SPRY3: variants seen among roughly 807,000 people sequenced by gnomAD.
SPRY3 encodes the protein protein sprouty homolog 3.
SPRY3 carries 15 observed loss-of-function variants against 20.2 expected under a neutral mutation model. The observed-to-expected ratio is 0.74, with a 90% CI of 0.50 to 1.14. The LOEUF is 1.14. SPRY3 is among the 50% of genes most tolerant of loss of function. SPRY3 has a pLI of 0.00. For missense variants in SPRY3, 364 were observed against 363.9 expected (o/e 1.00, Z 0.00); for synonymous variants, 143 against 136.5 (o/e 1.05, Z -0.33).
At chrX:155,737,280 T>C (rs2091176134) in intron 2 of SPRY3, among the ~76,000 whole-genome samples, 2 of 152,140 alleles carry the variant, frequency 1.3e-5, no homozygotes, top group South Asian at 4.2e-4. Flanking sequence ...GGCATCTAGA[T>C]TGATTCCATG....
intron 2 of SPRY3, among the ~76,000 whole-genome samples, chrX:155,744,919 T>C (rs1288559416): frequency 6.6e-6 from 1 of 152,036 alleles, no homozygotes; most frequent in Non-Finnish European, 1.5e-5. Context: ...CTGATTCAGA[T>C]TGTATTTTAG....
chrX:155,720,025 A>G (rs1188777499), intron 2 of SPRY3, among the ~76,000 whole-genome samples: 1 of 152,096 alleles, frequency 6.6e-6, no homozygotes, highest in Admixed American at 6.5e-5. Context: ...TGGCTCTTTG[A>G]TGGCATTTCT....
intron 2 of SPRY3, among the ~76,000 whole-genome samples, chrX:155,749,400 T>G (rs771453559): frequency 1.3e-5 from 2 of 151,846 alleles, no homozygotes; most frequent in East Asian, 3.9e-4. Flanking sequence ...TGTGTAAGTG[T>G]GTCTGTGTAT....
intron 2 of SPRY3, among the ~76,000 whole-genome samples, chrX:155,706,544 G>A (rs2124537210): frequency 6.6e-6 from 1 of 150,574 alleles, no homozygotes; most frequent in South Asian, 2.1e-4. Flanking sequence ...AGATATCAAT[G>A]GAACAAAAGT....
At chrX:155,697,818 C>G (rs73564415) in intron 2 of SPRY3, among the ~76,000 whole-genome samples, 146 of 109,871 alleles carry the variant, frequency 1.3e-3, no homozygotes, top group African/African-American at 4.7e-3. Context: ...AATCCTGAGT[C>G]CCTAGGGAAA....
intron 2 of SPRY3, among the ~76,000 whole-genome samples, chrX:155,708,499 A>T (rs1415668540): frequency 6.6e-6 from 1 of 151,212 alleles, no homozygotes; most frequent in Middle Eastern, 3.2e-3. Context: ...GGCTGTTTGT[A>T]TTTATCTTAT....
chrX:155,647,003 G>A (rs966215537), intron 1 of SPRY3, among the ~76,000 whole-genome samples: 7 of 111,845 alleles, frequency 6.3e-5, no homozygotes, highest in Non-Finnish European at 1.3e-4. Flanking sequence ...TATCATGAAG[G>A]AGTGTGGAAT....
intron 2 of SPRY3, among the ~76,000 whole-genome samples, chrX:155,759,499 A>G (rs2091295982): frequency 6.6e-6 from 1 of 152,080 alleles, no homozygotes; most frequent in African/African-American, 2.4e-5. Flanking sequence ...GGATTCATTT[A>G]TTAATTATAT....
intron 2 of SPRY3, among the ~76,000 whole-genome samples, chrX:155,703,024 T>A (rs2090923112): frequency 1.1e-5 from 1 of 90,184 alleles, no homozygotes; most frequent in African/African-American, 4.7e-5. Flanking sequence ...TGCCAGTATT[T>A]TATTGAGGAT....
At chrX:155,778,286 G>A (rs1188819702), downstream of SPRY3, 1 of 167,064 alleles carries the variant, frequency 6.0e-6, no homozygotes, top group African/African-American at 2.4e-5. Flanking sequence ...CAACCTAGGA[G>A]TTAAAATAAG....
chrX:155,656,510 G>T (rs1017810881), intron 1 of SPRY3, among the ~76,000 whole-genome samples: 2 of 110,753 alleles, frequency 1.8e-5, no homozygotes, highest in Non-Finnish European at 3.8e-5. Flanking sequence ...TTTTGTCAAC[G>T]TTCTTAGCTT....
chrX:155,685,858 C>G (rs1257209423), intron 2 of SPRY3, among the ~76,000 whole-genome samples: 1 of 111,284 alleles, frequency 9.0e-6, no homozygotes, highest in Non-Finnish European at 1.9e-5. Flanking sequence ...ACCTCCACCT[C>G]CTGGGTTCAA....
At chrX:155,746,853 A>G (rs2091229394) in intron 2 of SPRY3, among the ~76,000 whole-genome samples, 1 of 151,982 alleles carries the variant, frequency 6.6e-6, no homozygotes, top group Non-Finnish European at 1.5e-5. Context: ...GGACTTTTCT[A>G]TGTAAGAAGG....
chrX:155,738,602 C>G (rs1415393026), intron 2 of SPRY3, among the ~76,000 whole-genome samples: 1 of 152,006 alleles, frequency 6.6e-6, no homozygotes, highest in African/African-American at 2.4e-5. Context: ...GATGGCCCAC[C>G]CAGAAGTGGT....
At chrX:155,751,624 A>G (rs1209792934) in intron 2 of SPRY3, among the ~76,000 whole-genome samples, 1 of 151,880 alleles carries the variant, frequency 6.6e-6, no homozygotes, top group East Asian at 1.9e-4. Context: ...ATTTTTTCCA[A>G]ATATAGAAAG....
At chrX:155,733,797 T>A (rs9657866) in intron 2 of SPRY3, among the ~76,000 whole-genome samples, 166 of 152,282 alleles carry the variant, frequency 1.1e-3, no homozygotes, top group African/African-American at 3.9e-3. Context: ...GAGCTAGATC[T>A]TCTGCAGCTT....
At chrX:155,687,917 C>G (rs1013541974) in intron 2 of SPRY3, among the ~76,000 whole-genome samples, 5 of 111,977 alleles carry the variant, frequency 4.5e-5, no homozygotes, top group African/African-American at 1.6e-4. Context: ...GGACAAATAC[C>G]TAATGCATGC....
chrX:155,779,775 G>A (rs953904901), downstream of SPRY3: 2 of 166,954 alleles, frequency 1.2e-5, no homozygotes, highest in African/African-American at 4.8e-5. Context: ...CACTAATTAT[G>A]ACACAGACAC....
At chrX:155,613,553 G>C (rs1197782635) in intron 1 of SPRY3, among the ~76,000 whole-genome samples, 4 of 111,934 alleles carry the variant, frequency 3.6e-5, no homozygotes, top group Non-Finnish European at 7.5e-5. Context: ...AAATTGTGCA[G>C]TATTATATTT....
Sources: gnomAD v4.1 joint callset for allele counts (sites outside exome capture counted in the v4.1 genomes callset) on GRCh38, gnomAD v4.1.1 for gene constraint, MANE v1.5 for transcripts, NCBI Gene and HGNC (gene_info 2026-07-23, HGNC 2026-07-21) for gene names.